MACC1: variants seen among roughly 807,000 people sequenced by gnomAD.
MACC1 encodes the protein MET transcriptional regulator MACC1.
In MACC1, 79 loss-of-function variants were observed where a neutral mutation model predicts 70.7. The ratio of observed to expected loss-of-function variants is 1.12; its 90% confidence interval spans 0.93 to 1.35. The LOEUF is 1.35. Among genes scored for constraint, MACC1 ranks in the 40% most tolerant of loss-of-function variants. The pLI is 0.00. For synonymous variants in MACC1, 361 were observed against 347.2 expected (o/e 1.04, Z -0.44); for missense variants, 1,106 against 978.1 (o/e 1.13, Z -1.74).
In MACC1 at chr7:20,159,059, A is replaced by C. The variant is rs1053468135; in HGVS notation, c.1302T>G (p.Ser434Arg). Residue 434 changes from serine to arginine, a missense_variant, in exon 5 of 7, where the codon AGT (serine) becomes AGG (arginine). Transcript: ENST00000400331. Reference protein sequence around the residue: ...SFLLDKPQDLSISIFSCDPDF... With the variant: ...SFLLDKPQDLRISIFSCDPDF... Reference sequence around the variant, plus strand: ...CAGGATCACAGGAAAAAATAGAAATACTTAAATCTTGTGGCTTGTCAAGTA... The same window carrying C: ...CAGGATCACAGGAAAAAATAGAAATCCTTAAATCTTGTGGCTTGTCAAGTA... The C allele has an allele frequency of 7.4e-6, 12 of 1,613,732 alleles. No individual in the cohort carries two copies. Among genetic ancestry groups the C allele is most frequent in the Non-Finnish European group, 1.0e-5 (12 of 1,179,984 alleles).
At chr7:20,142,708 T>C (rs1460370623) in intron 6 of MACC1, among the ~76,000 whole-genome samples, 1 of 152,212 alleles carries the variant, frequency 6.6e-6, no homozygotes, top group Non-Finnish European at 1.5e-5. Flanking sequence ...TCAATCTTGG[T>C]TGTCGCTGCT....
chr7:20,159,100 C>A lies in MACC1; in HGVS notation c.1261G>T (p.Gly421Trp). Residue 421 changes from glycine (G) to tryptophan (W), a missense_variant, in exon 5 of 7, where the codon GGG becomes TGG. Transcript: ENST00000400331. ...TTGTCAAGTAAAAATGACTGCTTCC[C>A]CCAGAGCTGAAACACAACTGGAGAT... ...NISPVVFQLW[G>W]KQSFLLDKPQ... The A allele has an allele frequency of 6.2e-7, 1 of 1,613,416 alleles. No individual in the cohort carries two copies. Among genetic ancestry groups the A allele is most frequent in the Non-Finnish European group, 8.5e-7 (1 of 1,179,904 alleles).
rs769782644 is a variant in MACC1, at chr7:20,159,894, C to T, written c.467G>A (p.Ser156Asn). Reference sequence around the variant, plus strand: ...TAGGATCTGGTCAGAGTTATGTATACTCTGATGGGCATGTGCTGTGTCGTC... The same window carrying T: ...TAGGATCTGGTCAGAGTTATGTATATTCTGATGGGCATGTGCTGTGTCGTC... Reference protein sequence around the residue: ...ILDDTAHAHQSIHNSDQILLH... With the variant: ...ILDDTAHAHQNIHNSDQILLH... Residue 156 changes from serine (S) to asparagine (N), a missense_variant, in exon 5 of 7, where the codon AGT (serine) becomes AAT (asparagine). Coordinates refer to ENST00000400331, the MANE Select transcript of MACC1 (RefSeq NM_182762.4). The T allele has an allele frequency of 9.9e-6, 16 of 1,613,956 alleles. No homozygotes were observed. Among genetic ancestry groups the T allele is most frequent in the Non-Finnish European group, 5.1e-6 (6 of 1,180,028 alleles).
rs557472839 is a variant in MACC1 at position 20,159,375 on chromosome 7, T to C, written c.986A>G (p.Tyr329Cys). The change falls in exon 5 of 7, where the codon TAT becomes TGT. Residue 329 changes from tyrosine (Y) to cysteine (C), a missense_variant. Coordinates refer to ENST00000400331, the MANE Select transcript of MACC1 (RefSeq NM_182762.4). The stretch of plus-strand genomic sequence containing the variant: ...TAGCTTGACTTGGATGGTGTCTTTA[T>C]AAATGTAGCAGTTGCTTAAAACTTT... ...PFKVLSNCYI[Y>C]KDTIQVKLID... 26 of 1,614,102 alleles carry C rather than the reference T, an allele frequency of 1.6e-5. No individual in the cohort carries two copies. The Admixed American group carries it at 2.5e-4, about 16-fold the overall frequency.
chr7:20,213,145 A>G (rs773220889), intron 1 of MACC1, among the ~76,000 whole-genome samples: 2 of 152,232 alleles, frequency 1.3e-5, no homozygotes, highest in Non-Finnish European at 2.9e-5. Context: ...AAAAGAAGAC[A>G]TACATGTGGC....
chr7:20,143,828 T>C (rs1781845738), intron 6 of MACC1, among the ~76,000 whole-genome samples: 1 of 152,174 alleles, frequency 6.6e-6, no homozygotes, highest in South Asian at 2.1e-4. Context: ...CCCCTGAATT[T>C]GTCTGAAATG....
chr7:20,189,683 C>T (rs10281354), intron 1 of MACC1, among the ~76,000 whole-genome samples: 6 of 150,838 alleles, frequency 4.0e-5, no homozygotes, highest in East Asian at 1.9e-4. Flanking sequence ...TCTAGGCCAG[C>T]GTAGGAGCAG....
At chr7:20,166,888 G>C (rs986313401) in intron 2 of MACC1, among the ~76,000 whole-genome samples, 2 of 152,266 alleles carry the variant, frequency 1.3e-5, no homozygotes, top group Admixed American at 6.5e-5. Context: ...ATATTAGTGA[G>C]ACTAAATCAG....
At chr7:20,172,397 A>G (rs1007499523) in intron 1 of MACC1, among the ~76,000 whole-genome samples, 7 of 152,248 alleles carry the variant, frequency 4.6e-5, no homozygotes, top group Non-Finnish European at 5.9e-5. Context: ...AAAATATTCA[A>G]TGTAAATCTC....
At chr7:20,202,582 A>G (rs985610071) in intron 1 of MACC1, among the ~76,000 whole-genome samples, 2 of 152,130 alleles carry the variant, frequency 1.3e-5, no homozygotes, top group Non-Finnish European at 2.9e-5. Flanking sequence ...TTCCCTTTCC[A>G]CTATGCTTTA....
At chr7:20,189,678 G>A (rs751357579) in intron 1 of MACC1, among the ~76,000 whole-genome samples, 1 of 151,780 alleles carries the variant, frequency 6.6e-6, no homozygotes, top group Non-Finnish European at 1.5e-5. Flanking sequence ...TTAGTTCTAG[G>A]CCAGCGTAGG....
In MACC1 at chr7:20,204,883, A is replaced by G. The variant is rs932376721; in HGVS notation, c.-218+12416T>C. Among the ~76,000 whole-genome samples, 5 of 152,222 alleles carry G rather than the reference A, an allele frequency of 3.3e-5. No homozygotes were observed. The South Asian group carries it at 6.2e-4, about 19-fold the overall frequency. ...CAGTTTATTAAAATTATCCAAAATG[A>G]AGATGACCCAGTGAGCAGAGATTGT... On this transcript the variant is annotated intron_variant, in intron 1 of 6. Coordinates refer to ENST00000400331, the MANE Select transcript of MACC1 (RefSeq NM_182762.4).
At position 20,159,744 on chromosome 7, in the gene MACC1, T is replaced by C. The variant is rs374717702; in HGVS notation, c.617A>G (p.Gln206Arg). Residue 206 changes from glutamine (Q) to arginine (R), a missense_variant, in exon 5 of 7, where the codon CAG (glutamine) becomes CGG (arginine). Physicochemically the swap from Gln to Arg is conservative, Grantham distance 43. Coordinates refer to ENST00000400331, the MANE Select transcript of MACC1 (RefSeq NM_182762.4). ...TATGGTGACCTCCGCAAGTTGTGTC[T>C]GGGCCCATCCAGGGCTCTGACTAAT... Reference protein sequence around the residue: ...NTISQSPGWAQTQLAEVTIAC... With the variant: ...NTISQSPGWARTQLAEVTIAC... 1 of 1,614,132 alleles carries C rather than the reference T, an allele frequency of 6.2e-7. No homozygotes were observed. Among genetic ancestry groups the C allele is most frequent in the Non-Finnish European group, 8.5e-7 (1 of 1,180,020 alleles).
At chr7:20,154,104 G>GA in intron 6 of MACC1, 89 bp downstream of exon 6, 1 of 1,336,296 alleles carries the variant, frequency 7.5e-7, no homozygotes, top group Non-Finnish European at 1.1e-6. Context: ...TTCCCCCAGT[G>GA]AATCCGTGAA....
intron 1 of MACC1, among the ~76,000 whole-genome samples, chr7:20,174,561 C>G (rs1442997687): frequency 1.3e-5 from 2 of 152,046 alleles, no homozygotes; most frequent in South Asian, 4.1e-4. Context: ...ATACAGCTTG[C>G]AGAGTTTTTT....
chr7:20,184,446 C>A (rs937245249), intron 1 of MACC1, among the ~76,000 whole-genome samples: 2 of 152,188 alleles, frequency 1.3e-5, no homozygotes, highest in Non-Finnish European at 2.9e-5. Context: ...ACTCTTATTT[C>A]AAACTTGCAA....
intron 1 of MACC1, among the ~76,000 whole-genome samples, chr7:20,178,757 C>T (rs58026174): frequency 0.026 from 3,891 of 152,142 alleles, 184 homozygotes; most frequent in African/African-American, 0.089. Context: ...TGCACCACCA[C>T]GCCTGGCTAA....
chr7:20,205,226 A>C (rs6953155), intron 1 of MACC1, among the ~76,000 whole-genome samples: 1,727 of 152,346 alleles, frequency 0.011, 31 homozygotes, highest in African/African-American at 0.04. Context: ...GTTGGGAGGA[A>C]AGTAAGTCAA....
intron 2 of MACC1, among the ~76,000 whole-genome samples, chr7:20,169,798 A>G (rs895781122): frequency 6.6e-6 from 1 of 152,242 alleles, no homozygotes; most frequent in African/African-American, 2.4e-5. Flanking sequence ...TAGTATTACT[A>G]TCAACATATA....
Sources: gnomAD v4.1 joint callset for allele counts (sites outside exome capture counted in the v4.1 genomes callset) on GRCh38, gnomAD v4.1.1 for gene constraint, MANE v1.5 for transcripts, NCBI Gene and HGNC (gene_info 2026-07-23, HGNC 2026-07-21) for gene names.